Variants in RALYL observed in about 807,000 individuals in gnomAD.
RALYL encodes the protein RALY RNA binding protein like.
A neutral mutation model predicts 35.1 loss-of-function variants in RALYL; 29 were observed. The observed-to-expected ratio is 0.83, with a 90% confidence interval of 0.61 to 1.13. The LOEUF (loss-of-function observed/expected upper bound fraction) is 1.13, where lower values mean the gene tolerates loss of function less well. RALYL is among the 50% of genes most tolerant of loss of function. The pLI is 0.00. For missense variants in RALYL, 359 were observed against 360.4 expected, an observed-to-expected ratio of 1.00 and a Z score of 0.03; for synonymous variants, 120 against 127.6, an observed-to-expected ratio of 0.94 and a Z score of 0.40.
chr8:84,640,998 C>T (rs1432103165), intron 2 of RALYL, among the ~76,000 whole-genome samples: 1 of 151,592 alleles, frequency 6.6e-6, no homozygotes, highest in Non-Finnish European at 1.5e-5. Flanking sequence ...TTACATAGAC[C>T]ATTTATGACA....
intron 2 of RALYL, among the ~76,000 whole-genome samples, chr8:84,543,788 G>T (rs1374023778): frequency 1.3e-5 from 2 of 152,012 alleles, no homozygotes; most frequent in Admixed American, 6.6e-5. Flanking sequence ...CCTGCCCCAT[G>T]TTGGGAATCA....
chr8:84,476,199 C>T (rs535701065), intron 1 of RALYL, among the ~76,000 whole-genome samples: 12 of 152,208 alleles, frequency 7.9e-5, no homozygotes, highest in African/African-American at 2.6e-4. Context: ...ACAGGGAAGC[C>T]AGATTCTATG....
chr8:84,421,945 T>A (rs1280257282), intron 1 of RALYL, among the ~76,000 whole-genome samples: 5 of 152,008 alleles, frequency 3.3e-5, no homozygotes, highest in Admixed American at 1.3e-4. Context: ...CTGGATTCGG[T>A]TTGCCAGTAT....
chr8:84,273,510 T>C (rs932861466), intron 1 of RALYL, among the ~76,000 whole-genome samples: 1 of 152,160 alleles, frequency 6.6e-6, no homozygotes, highest in African/African-American at 2.4e-5. Flanking sequence ...CAGAGAAGGG[T>C]CATTAAATCC....
intron 1 of RALYL, among the ~76,000 whole-genome samples, chr8:84,191,182 T>TTGTGTG (rs36011671): frequency 6.7e-4 from 98 of 145,798 alleles, no homozygotes; most frequent in African/African-American, 2.2e-3. Context: ...GTGTGTGTGA[T>TTGTGTG]TGTGTGTGTG....
At chr8:84,480,551 G>T (rs2133874739) in intron 1 of RALYL, among the ~76,000 whole-genome samples, 1 of 152,216 alleles carries the variant, frequency 6.6e-6, no homozygotes, top group Non-Finnish European at 1.5e-5. Context: ...AATGCTTTTT[G>T]GGAGAAAACA....
chr8:84,742,045 A>C (rs1421462982), intron 2 of RALYL, among the ~76,000 whole-genome samples: 2 of 151,910 alleles, frequency 1.3e-5, no homozygotes, highest in Non-Finnish European at 2.9e-5. Context: ...TACAAAAGAA[A>C]AGTTTGTGGT....
At chr8:84,814,160 A>G (rs919638974) in intron 4 of RALYL, among the ~76,000 whole-genome samples, 1 of 152,222 alleles carries the variant, frequency 6.6e-6, no homozygotes, top group Non-Finnish European at 1.5e-5. Flanking sequence ...TTTTTGACAC[A>G]TAAGAATTGC....
chr8:84,220,336 C>T (rs1408893555), intron 1 of RALYL, among the ~76,000 whole-genome samples: 1 of 151,890 alleles, frequency 6.6e-6, no homozygotes, highest in Admixed American at 6.6e-5. Flanking sequence ...CTTGACATAA[C>T]ATGCATGAAT....
chr8:84,311,502 T>G (rs554500559), intron 1 of RALYL, among the ~76,000 whole-genome samples: 1 of 152,278 alleles, frequency 6.6e-6, no homozygotes, highest in South Asian at 2.1e-4. Flanking sequence ...TTTACTATGG[T>G]AGCAAAAAAT....
chr8:84,521,110 G>C (rs574143239), intron 1 of RALYL, among the ~76,000 whole-genome samples: 2 of 152,116 alleles, frequency 1.3e-5, no homozygotes, highest in Non-Finnish European at 2.9e-5. Flanking sequence ...TTTGAAGGTG[G>C]GGCCTTTGGT....
intron 1 of RALYL, among the ~76,000 whole-genome samples, chr8:84,385,247 A>G (rs960534067): frequency 1.3e-5 from 2 of 151,746 alleles, no homozygotes; most frequent in African/African-American, 2.4e-5. Context: ...CTTGTTAAAG[A>G]AAAAAAATGC....
chr8:84,607,566 C>T (rs1817409203), intron 2 of RALYL, among the ~76,000 whole-genome samples: 1 of 152,082 alleles, frequency 6.6e-6, no homozygotes. Context: ...ACCACAGAAT[C>T]CCCAATCAGT....
At chr8:84,858,838 G>C (rs746731718) in intron 5 of RALYL, among the ~76,000 whole-genome samples, 53 of 152,054 alleles carry the variant, frequency 3.5e-4, no homozygotes, top group Non-Finnish European at 4.9e-4. Flanking sequence ...TTGTACATTA[G>C]GACAACATCC....
intron 5 of RALYL, among the ~76,000 whole-genome samples, chr8:84,850,357 A>G (rs1195494235): frequency 1.3e-5 from 2 of 152,174 alleles, no homozygotes; most frequent in African/African-American, 4.8e-5. Context: ...CAAGAGTTTG[A>G]AAACTCAGAA....
chr8:84,773,460 T>C (rs1816055486), intron 2 of RALYL, among the ~76,000 whole-genome samples: 1 of 152,216 alleles, frequency 6.6e-6, no homozygotes, highest in African/African-American at 2.4e-5. Context: ...TTGGAAATTT[T>C]AACTTTGTTC....
intron 1 of RALYL, among the ~76,000 whole-genome samples, chr8:84,207,601 G>GTACCT (rs1197721638): frequency 6.6e-6 from 1 of 151,986 alleles, no homozygotes; most frequent in Non-Finnish European, 1.5e-5. Context: ...AAGGTACAGT[G>GTACCT]TTTCAGTTAT....
intron 2 of RALYL, chr8:84,679,526 A>G (rs1261192615): frequency 2.8e-6 from 1 of 358,102 alleles, no homozygotes; most frequent in African/African-American, 2.1e-5. Flanking sequence ...ACAGAAATAT[A>G]TCTGCAAAGG....
chr8:84,747,870 C>A (rs912224238), intron 2 of RALYL, among the ~76,000 whole-genome samples: 2 of 151,876 alleles, frequency 1.3e-5, no homozygotes, highest in Admixed American at 1.3e-4. Flanking sequence ...AAAAAAATAA[C>A]CTGGGACCTT....
Sources: allele counts gnomAD v4.1 joint callset (sites outside exome capture counted in the v4.1 genomes callset), GRCh38; gene constraint gnomAD v4.1.1; transcripts MANE v1.5; gene names NCBI Gene and HGNC (gene_info 2026-07-23, HGNC 2026-07-21).